The following LRRFIP2 variants were observed in gnomAD, a reference collection of about 807,000 sequenced individuals.
LRRFIP2 encodes LRR binding FLII interacting protein 2, also known as leucine-rich repeat flightless-interacting protein 2.
A neutral mutation model predicts 125.9 loss-of-function variants in LRRFIP2; 109 were observed. The observed-to-expected ratio is 0.87, with a 90% CI of 0.74 to 1.01. The LOEUF (loss-of-function observed/expected upper bound fraction) is 1.01. Among genes scored for constraint, LRRFIP2 ranks in the 50% least tolerant of loss-of-function variants. LRRFIP2 has a pLI of 0.00. For missense variants in LRRFIP2, 850 were observed against 862.3 expected (o/e 0.99, Z 0.18); for synonymous variants, 291 against 293.1 (o/e 0.99, Z 0.07).
intron 1 of LRRFIP2, among the ~76,000 whole-genome samples, chr3:37,157,236 G>A (rs2096226890): frequency 6.6e-6 from 1 of 150,900 alleles, no homozygotes; most frequent in Non-Finnish European, 1.5e-5. Flanking sequence ...TGAGCCCAAG[G>A]GTTCAAGACC....
In LRRFIP2 at chr3:37,155,311, C is replaced by CA. The variant is rs753440551; in HGVS notation, c.-55-6274dup. 1.9e-3 allele frequency among the ~76,000 whole-genome samples: 282 copies of CA among 150,314 alleles called. 2 individuals are homozygous for CA. The highest frequency in any genetic ancestry group is 0.014 in the East Asian group (71 of 5,146). ...TTGCATATTTAGCTTGTGAAATTGA[C>CA]AAAAAAAAAGCAATCCTTTTCATAC... On this transcript the variant is annotated intron_variant, in intron 1 of 27. Coordinates refer to ENST00000336686, the MANE Select transcript of LRRFIP2 (RefSeq NM_006309.4).
At chr3:37,121,715 AG>A in intron 4 of LRRFIP2, 24 bp from the exon 5 acceptor site, 1 of 1,609,774 alleles carries the variant, frequency 6.2e-7, no homozygotes, top group Non-Finnish European at 8.5e-7. Flanking sequence ...AAGTACATGG[AG>A]AGTTAATCAC....
chr3:37,158,619 A>AT (rs2096259903), intron 1 of LRRFIP2, among the ~76,000 whole-genome samples: 1 of 151,524 alleles, frequency 6.6e-6, no homozygotes, highest in South Asian at 2.1e-4. Flanking sequence ...AAAAAAAAAA[A>AT]GTATGAAATA....
At chr3:37,144,792 A>G (rs1319119888) in intron 2 of LRRFIP2, among the ~76,000 whole-genome samples, 2 of 152,220 alleles carry the variant, frequency 1.3e-5, no homozygotes, top group Non-Finnish European at 2.9e-5. Context: ...TATGTTCCAT[A>G]ACATAAAACC....
intron 7 of LRRFIP2, among the ~76,000 whole-genome samples, chr3:37,114,262 T>TA (rs2094674340): frequency 1.3e-5 from 2 of 152,128 alleles, no homozygotes; most frequent in South Asian, 2.1e-4. Flanking sequence ...TGACATACCA[T>TA]AAAAAACTAA....
chr3:37,124,481 A>C (rs1000862482), intron 4 of LRRFIP2, among the ~76,000 whole-genome samples: 4 of 152,226 alleles, frequency 2.6e-5, no homozygotes, highest in African/African-American at 9.6e-5. Context: ...CACAGTGGCA[A>C]ACATGAGGGA....
At chr3:37,059,995 T>C (rs977402389) in intron 24 of LRRFIP2, among the ~76,000 whole-genome samples, 2 of 152,138 alleles carry the variant, frequency 1.3e-5, no homozygotes, top group African/African-American at 4.8e-5. Flanking sequence ...GTCACCATCA[T>C]TAGCTGCCTT....
At chr3:37,156,074 C>T (rs2096181088) in intron 1 of LRRFIP2, among the ~76,000 whole-genome samples, 1 of 152,072 alleles carries the variant, frequency 6.6e-6, no homozygotes, top group African/African-American at 2.4e-5. Context: ...AGGGCTACAC[C>T]ATGTTAGCCA....
At chr3:37,093,817 C>T (rs937852817) in intron 17 of LRRFIP2, among the ~76,000 whole-genome samples, 2 of 152,192 alleles carry the variant, frequency 1.3e-5, no homozygotes, top group African/African-American at 4.8e-5. Flanking sequence ...TTCTTCACTT[C>T]TCATGCCACC....
intron 13 of LRRFIP2, 117 bp downstream of exon 13, chr3:37,107,956 C>T (rs17810754): frequency 0.078 from 59,036 of 756,584 alleles, 2,818 homozygotes; most frequent in Middle Eastern, 0.18. Flanking sequence ...TAAGGGAACA[C>T]CTAATCCATG....
At chr3:37,077,058 A>C (rs963572740) in intron 19 of LRRFIP2, among the ~76,000 whole-genome samples, 2 of 152,234 alleles carry the variant, frequency 1.3e-5, no homozygotes. Context: ...ATTCCAGAAC[A>C]GAACTATGGG....
chr3:37,098,269 CG>C (rs1236814832), intron 15 of LRRFIP2, among the ~76,000 whole-genome samples: 1 of 150,236 alleles, frequency 6.7e-6, no homozygotes, highest in Non-Finnish European at 1.5e-5. Context: ...GTAATGACAG[CG>C]ATTGAAATGT....
chr3:37,151,130 G>C (rs566434212), intron 1 of LRRFIP2, among the ~76,000 whole-genome samples: 1 of 152,114 alleles, frequency 6.6e-6, no homozygotes, highest in African/African-American at 2.4e-5. Context: ...AGGCCAAGGC[G>C]GGCAAATCAC....
intron 1 of LRRFIP2, among the ~76,000 whole-genome samples, chr3:37,159,744 T>G (rs2096283827): frequency 6.7e-6 from 1 of 150,234 alleles, no homozygotes; most frequent in Non-Finnish European, 1.5e-5. Flanking sequence ...TGACATCAGG[T>G]GATCCACCTG....
chr3:37,062,267 GA>G (rs1298644797), intron 24 of LRRFIP2, among the ~76,000 whole-genome samples: 2 of 152,126 alleles, frequency 1.3e-5, no homozygotes, highest in African/African-American at 4.8e-5. Context: ...TCTCAGGCAG[GA>G]ATTTTTTTTT....
intron 15 of LRRFIP2, among the ~76,000 whole-genome samples, chr3:37,097,960 C>G (rs577135523): frequency 2.0e-5 from 3 of 152,172 alleles, no homozygotes; most frequent in African/African-American, 7.2e-5. Context: ...TAGACCCAAT[C>G]TAGAGAAGAG....
intron 1 of LRRFIP2, among the ~76,000 whole-genome samples, chr3:37,167,197 CAA>C (rs570958652): frequency 2.8e-4 from 14 of 50,892 alleles, no homozygotes; most frequent in Non-Finnish European, 5.2e-4. Context: ...ATCTTGTCTC[CAA>C]AAAAAAAAAA....
chr3:37,139,650 C>G (rs749831890), intron 2 of LRRFIP2, among the ~76,000 whole-genome samples: 101 of 152,318 alleles, frequency 6.6e-4, no homozygotes, highest in Non-Finnish European at 1.3e-3. Flanking sequence ...CCCCGTCACA[C>G]ACACTCACAC....
chr3:37,155,592 T>C (rs2096163974), intron 1 of LRRFIP2, among the ~76,000 whole-genome samples: 2 of 152,230 alleles, frequency 1.3e-5, no homozygotes, highest in Non-Finnish European at 2.9e-5. Flanking sequence ...ATGCTAGTCC[T>C]CTTAGTAGAA....
Sources: gnomAD v4.1 joint callset for allele counts (sites outside exome capture counted in the v4.1 genomes callset) on GRCh38, gnomAD v4.1.1 for gene constraint, MANE v1.5 for transcripts, NCBI Gene and HGNC (gene_info 2026-07-23, HGNC 2026-07-21) for gene names.